The following PDCD4 variants were observed in gnomAD, a reference collection of about 807,000 sequenced individuals.
PDCD4 encodes programmed cell death protein 4.
Under a neutral mutation model 54.0 loss-of-function variants are expected in PDCD4, and 56 were observed. The observed-to-expected ratio is 1.04, with a 90% confidence interval of 0.84 to 1.30. PDCD4 has a LOEUF of 1.30. Ranked by LOEUF, PDCD4 falls within the 50% of genes most tolerant of loss-of-function variation. PDCD4 has a pLI of 0.00. For missense variants in PDCD4, 584 were observed against 559.8 expected (o/e 1.04, Z -0.44); for synonymous variants, 186 against 194.8 (o/e 0.95, Z 0.37).
chr10:110,874,187 C>G (rs962494943), intron 1 of PDCD4, among the ~76,000 whole-genome samples: 11 of 152,138 alleles, frequency 7.2e-5, no homozygotes, highest in Non-Finnish European at 1.5e-4. Flanking sequence ...GAATACCTAC[C>G]CGAAGGTTTT....
intron 11 of PDCD4, among the ~76,000 whole-genome samples, chr10:110,897,251 A>C (rs1315615181): frequency 6.6e-6 from 1 of 152,244 alleles, no homozygotes; most frequent in Non-Finnish European, 1.5e-5. Context: ...TGAGGCAATA[A>C]ACTTTCTGTG....
intron 10 of PDCD4, among the ~76,000 whole-genome samples, chr10:110,894,999 T>C (rs1469702029): frequency 6.6e-6 from 1 of 152,104 alleles, no homozygotes; most frequent in African/African-American, 2.4e-5. Context: ...TGATGTCTGC[T>C]TACAGCTCTT....
rs369318687 is a variant in PDCD4, at chr10:110,893,626, A to G, written c.991-465A>G. Among the ~76,000 whole-genome samples the G allele has an allele frequency of 3.1e-3, 479 of 152,162 alleles. 25 individuals carry two copies. In the South Asian group the frequency reaches 0.092, roughly 29 times the overall value. ...TAGAGAAAAGAGAAACTATGTGGAAATCTTTGCCCTCTCTAGTAATGCCCC... is the reference window on the plus strand; with the variant it reads ...TAGAGAAAAGAGAAACTATGTGGAAGTCTTTGCCCTCTCTAGTAATGCCCC... On this transcript the variant is annotated intron_variant, in intron 8 of 11. Coordinates refer to ENST00000280154, the MANE Select transcript of PDCD4 (RefSeq NM_014456.5).
intron 4 of PDCD4, among the ~76,000 whole-genome samples, chr10:110,883,717 A>G (rs917146533): frequency 1.3e-5 from 2 of 152,186 alleles, no homozygotes; most frequent in Admixed American, 6.5e-5. Context: ...GCAAATCCCA[A>G]ATGTTTTGAT....
chr10:110,889,505 A>G, intron 6 of PDCD4, 28 bp from the exon 7 acceptor site: 3 of 1,298,392 alleles, frequency 2.3e-6, no homozygotes, highest in Middle Eastern at 2.0e-4. Context: ...AACTTTTTTT[A>G]TAGCTCTTTT....
At position 110,885,371 on chromosome 10, in the gene PDCD4, G is replaced by A; in HGVS notation, c.555+5G>A. The stretch of plus-strand genomic sequence containing the variant: ...GGAGATACTAATGAAGTTGCGGTAG[G>A]TTTAAAGTTGCAAGTATAATTTATT... On this transcript the variant is annotated splice_donor_5th_base_variant and intron_variant, in intron 5 of 11. Transcript: ENST00000280154. 7.6e-7 allele frequency: 1 copy of A among 1,314,090 alleles called. No individual in the cohort carries two copies. Among genetic ancestry groups the A allele is most frequent in the Non-Finnish European group, 1.1e-6 (1 of 918,622 alleles). 81.4% of individuals were successfully genotyped at this position (1,314,090 alleles called of 1,614,324 possible). A position where few individuals can be genotyped will look rare whatever the true frequency, so the allele number is the denominator to read the frequency against.
intron 1 of PDCD4, among the ~76,000 whole-genome samples, chr10:110,875,316 T>TA (rs1333171774): frequency 6.6e-6 from 1 of 152,108 alleles, no homozygotes; most frequent in African/African-American, 2.4e-5. Context: ...ATCAGATTTT[T>TA]AAAAAATGGA....
At chr10:110,897,345 G>GCTT (rs1188663677) in intron 11 of PDCD4, among the ~76,000 whole-genome samples, 2 of 152,218 alleles carry the variant, frequency 1.3e-5, no homozygotes, top group African/African-American at 4.8e-5. Context: ...GGTTTTGCAT[G>GCTT]CTTGTGCCTA....
intron 11 of PDCD4, 147 bp from the exon 12 acceptor site, chr10:110,897,881 G>T: frequency 2.1e-6 from 1 of 479,432 alleles, no homozygotes; most frequent in Non-Finnish European, 3.6e-6. Flanking sequence ...TTTTCCAAAG[G>T]AATTAGAGGC....
intron 5 of PDCD4, among the ~76,000 whole-genome samples, chr10:110,886,027 A>G (rs1186955608): frequency 6.6e-6 from 1 of 152,196 alleles, no homozygotes; most frequent in Non-Finnish European, 1.5e-5. Context: ...TTTGTCTGAT[A>G]CTGTGAGGTT....
chr10:110,883,097 G>C lies in PDCD4; in HGVS notation c.441G>C (p.Gln147His). Residue 147 changes from glutamine to histidine, a missense_variant and splice_region_variant, in exon 4 of 12, where the codon CAG becomes CAC. By Grantham distance (24) the Gln-to-His change is conservative. Transcript: ENST00000280154. ...DVKDPNYDDDQENCVYETVVL... is the reference protein window; with the variant it reads ...DVKDPNYDDDHENCVYETVVL... The stretch of plus-strand genomic sequence containing the variant: ...AAGATCCTAACTATGATGATGACCA[G>C]GTATCAGTGCTTTGCTTTTTCATAA... 3 of 1,555,280 alleles carry C rather than the reference G, an allele frequency of 1.9e-6. No homozygotes were observed. The highest frequency in any genetic ancestry group is 2.6e-6 in the Non-Finnish European group (3 of 1,144,066).
At chr10:110,879,751 C>A (rs1319351267) in intron 2 of PDCD4, among the ~76,000 whole-genome samples, 3 of 151,784 alleles carry the variant, frequency 2.0e-5, no homozygotes, top group African/African-American at 7.3e-5. Context: ...AGTCTTCATT[C>A]AGTATAGTTT....
In PDCD4 at chr10:110,885,317, CA is replaced by C; in HGVS notation, c.507del (p.Pro170GlnfsTer19). On this transcript the variant is annotated frameshift_variant, in exon 5 of 12. Transcript: ENST00000280154. LOFTEE classifies it high-confidence loss of function. ...LDERAFEKTL[T>X]PIIQEYFEHG... The stretch of plus-strand genomic sequence containing the variant: ...GAAAGGGCATTTGAGAAGACTTTAA[CA>C]CCAATCATACAGGAATATTTTGAGC... 1 of 1,599,012 alleles carries C rather than the reference CA, an allele frequency of 6.3e-7. No homozygotes were observed. The highest frequency in any genetic ancestry group is 8.6e-7 in the Non-Finnish European group (1 of 1,168,332).
rs781757524 is a variant in PDCD4 at position 110,881,483 on chromosome 10, G to A, written c.294G>A (p.Arg98=). 1.9e-6 allele frequency: 3 copies of A among 1,614,028 alleles called. No individual in the cohort carries two copies. The highest frequency in any genetic ancestry group is 2.2e-5 in the East Asian group (1 of 44,876). Residue 98 remains arginine (R), a synonymous_variant, in exon 3 of 12, where the codon AGG becomes AGA. Transcript: ENST00000280154. The part of the protein sequence containing the change: ...GLTVPTSPKG[R]LLDRRSRSGK... Reference sequence around the variant, plus strand: ...CTGTGCCAACCAGTCCAAAGGGAAGGTTGCTGGATAGGCGATCCAGATCTG... The same window carrying A: ...CTGTGCCAACCAGTCCAAAGGGAAGATTGCTGGATAGGCGATCCAGATCTG...
At chr10:110,878,410 G>A (rs570705201) in intron 2 of PDCD4, among the ~76,000 whole-genome samples, 1 of 152,278 alleles carries the variant, frequency 6.6e-6, no homozygotes, top group Admixed American at 6.5e-5. Context: ...TTTTATTATA[G>A]TTCTGACTCC....
chr10:110,889,511 C>G (rs1845723690), intron 6 of PDCD4, 22 bp from the exon 7 acceptor site: 1 of 1,252,284 alleles, frequency 8.0e-7, no homozygotes, highest in Admixed American at 2.1e-5. Context: ...TTTTATAGCT[C>G]TTTTTTTTTT....
chr10:110,874,972 C>T (rs1845479620), intron 1 of PDCD4, among the ~76,000 whole-genome samples: 1 of 152,090 alleles, frequency 6.6e-6, no homozygotes, highest in Non-Finnish European at 1.5e-5. Context: ...GAAGAGCACA[C>T]TGCTAGCAAC....
At position 110,898,901 on chromosome 10, in the gene PDCD4, A is replaced by G. The variant is rs933920544; in HGVS notation, c.*813A>G. 6.6e-6 allele frequency: 1 copy of G among 152,414 alleles called. No homozygotes were observed. The highest frequency in any genetic ancestry group is 2.4e-5 in the African/African-American group (1 of 41,446). 9.4% of individuals were successfully genotyped at this position (152,414 alleles called of 1,614,324 possible). A position where few individuals can be genotyped will look rare whatever the true frequency, so the allele number is the denominator to read the frequency against. On this transcript the variant is annotated 3_prime_UTR_variant, in exon 12 of 12. Coordinates refer to ENST00000280154, the MANE Select transcript of PDCD4 (RefSeq NM_014456.5). ...TACAAAATTTTAAGTGAAAAATACA[A>G]TAGTAAATTAAGATTACACTGGGGA...
chr10:110,881,318 T>C lies in PDCD4; in HGVS notation c.129T>C (p.Asn43=). ...AAATAAAGAATGAAATAAATGGAAATTGGATTTCAGCATCCTCCATTAACG... is the reference window on the plus strand; with the variant it reads ...AAATAAAGAATGAAATAAATGGAAACTGGATTTCAGCATCCTCCATTAACG... ...TEEIKNEING[N]WISASSINEA... The change falls in exon 3 of 12, where the codon AAT becomes AAC. Residue 43 remains asparagine, a synonymous_variant. Coordinates refer to ENST00000280154, the MANE Select transcript of PDCD4 (RefSeq NM_014456.5). 6.2e-7 allele frequency: 1 copy of C among 1,613,666 alleles called. No homozygotes were observed. Among genetic ancestry groups the C allele is most frequent in the Non-Finnish European group, 8.5e-7 (1 of 1,179,572 alleles).
Sources: gnomAD v4.1 joint callset for allele counts (sites outside exome capture counted in the v4.1 genomes callset) on GRCh38, gnomAD v4.1.1 for gene constraint, MANE v1.5 for transcripts, NCBI Gene and HGNC (gene_info 2026-07-23, HGNC 2026-07-21) for gene names.